CYTH1: variants seen among roughly 807,000 people sequenced by gnomAD.
The protein encoded by CYTH1 is cytohesin-1.
CYTH1 carries 18 observed loss-of-function variants against 61.8 expected under a neutral mutation model. The observed-to-expected ratio is 0.29, with a 90% CI of 0.20 to 0.43. The LOEUF (loss-of-function observed/expected upper bound fraction) is 0.43. CYTH1 is among the 20% of genes least tolerant of loss of function. The pLI is 1.00. For missense variants in CYTH1, 336 were observed against 510.5 expected (o/e 0.66, Z 3.29); for synonymous variants, 174 against 184.3 (o/e 0.94, Z 0.45).
At chr17:78,761,983 T>C (rs1024081341) in intron 1 of CYTH1, among the ~76,000 whole-genome samples, 2 of 152,204 alleles carry the variant, frequency 1.3e-5, no homozygotes, top group African/African-American at 4.8e-5. Flanking sequence ...GCATCTGGCC[T>C]GCTTCCTCCA....
intron 1 of CYTH1, among the ~76,000 whole-genome samples, chr17:78,755,168 A>T (rs998595806): frequency 6.6e-6 from 1 of 152,062 alleles, no homozygotes; most frequent in Admixed American, 6.6e-5. Context: ...CTCAAACATA[A>T]TATTATTTAT....
At chr17:78,680,581 A>T (rs1006417835) in intron 12 of CYTH1, among the ~76,000 whole-genome samples, 1 of 152,224 alleles carries the variant, frequency 6.6e-6, no homozygotes, top group African/African-American at 2.4e-5. Context: ...CTTGCAATGT[A>T]CGTAAAATGC....
chr17:78,676,230 C>T (rs1235768392), intron 13 of CYTH1, 61 bp from the exon 14 acceptor site: 24 of 1,533,802 alleles, frequency 1.6e-5, no homozygotes, highest in African/African-American at 4.1e-5. Context: ...GAAACACACC[C>T]AGGCAGGGGA....
At chr17:78,725,666 G>A (rs146269439) in intron 1 of CYTH1, among the ~76,000 whole-genome samples, 2 of 152,158 alleles carry the variant, frequency 1.3e-5, no homozygotes, top group South Asian at 2.1e-4. Context: ...CTTCCACTAC[G>A]CCGACAGAGT....
intron 11 of CYTH1, among the ~76,000 whole-genome samples, chr17:78,690,348 C>G (rs556421900): frequency 1.6e-5 from 2 of 128,766 alleles, no homozygotes; most frequent in African/African-American, 6.0e-5. Flanking sequence ...GAGCCGAGAT[C>G]GTGCCACTGC....
intron 11 of CYTH1, 42 bp downstream of exon 11, chr17:78,692,375 C>T: frequency 6.2e-7 from 1 of 1,603,420 alleles, no homozygotes. Context: ...AACCGGAGGC[C>T]TTGCCCATCC....
intron 1 of CYTH1, among the ~76,000 whole-genome samples, 195 bp downstream of exon 1, chr17:78,782,007 C>T (rs2093520678): frequency 6.6e-6 from 1 of 151,446 alleles, no homozygotes; most frequent in African/African-American, 2.4e-5. Context: ...CGGCGACCCT[C>T]ATCCCTCAAA....
rs1204147042 is a variant in CYTH1 at position 78,760,426 on chromosome 17, C to CACATACATATATATATGTATATATATAT, written c.22+21748_22+21775dup. 2.9e-4 allele frequency among the ~76,000 whole-genome samples: 16 copies of CACATACATATATATATGTATATATATAT among 54,360 alleles called. 1 individual carries two copies. The highest frequency in any genetic ancestry group is 2.0e-4 in the Admixed American group (1 of 4,980). The allele number at this position is 54,360 out of a possible 152,430, so 35.7% of individuals were successfully genotyped here. A position where few individuals can be genotyped will look rare whatever the true frequency, so the allele number is the denominator to read the frequency against. Reference sequence around the variant, plus strand: ...ATATATGTGTATATATATATATATACACATACATATATATATGTATATATA... The same window carrying CACATACATATATATATGTATATATATAT: ...ATATATGTGTATATATATATATATACACATACATATATATATGTATATATATATACATACATATATATATGTATATATA... On this transcript the variant is annotated intron_variant, in intron 1 of 13. Transcript: ENST00000446868.
intron 10 of CYTH1, among the ~76,000 whole-genome samples, chr17:78,694,264 T>A (rs2092916991): frequency 6.6e-6 from 1 of 152,190 alleles, no homozygotes; most frequent in Non-Finnish European, 1.5e-5. Context: ...ATGACACAGA[T>A]CTAGGTTATG....
intron 1 of CYTH1, among the ~76,000 whole-genome samples, chr17:78,760,516 TG>T (rs2093422918): frequency 2.0e-5 from 1 of 49,050 alleles, no homozygotes; most frequent in African/African-American, 9.2e-5. Flanking sequence ...TGTATATATA[TG>T]TATATATATA....
chr17:78,697,156 C>T (rs1242417524), intron 9 of CYTH1, among the ~76,000 whole-genome samples: 5 of 152,010 alleles, frequency 3.3e-5, no homozygotes, highest in African/African-American at 1.2e-4. Flanking sequence ...TAAAGGATTC[C>T]ATTTTAGCCT....
Position 78,717,649 on chromosome 17 carries a change from C to T in CYTH1, c.23-7917G>A, listed in dbSNP as rs907504764. On this transcript the variant is annotated intron_variant, in intron 1 of 13. Coordinates refer to ENST00000446868, the MANE Select transcript of CYTH1 (RefSeq NM_004762.6). The surrounding 1 kb of genome is among the most constrained non-coding windows in gnomAD (Gnocchi z 4.4). ...ACATGAGCACACGGCGGGCTCTAGT[C>T]TAAAATCCTGCAACCCGCGCTCCAC... is the stretch of plus-strand genomic sequence containing the variant. 2.0e-5 allele frequency among the ~76,000 whole-genome samples: 3 copies of T among 152,122 alleles called. No homozygotes were observed. Among genetic ancestry groups the T allele is most frequent in the African/African-American group, 7.2e-5 (3 of 41,410 alleles).
chr17:78,704,261 C>A, intron 3 of CYTH1, among the ~76,000 whole-genome samples: 1 of 152,112 alleles, frequency 6.6e-6, no homozygotes, highest in African/African-American at 2.4e-5. Flanking sequence ...GGCCCTGGAC[C>A]GGCTGAGTAA....
intron 1 of CYTH1, among the ~76,000 whole-genome samples, chr17:78,781,724 C>T (rs1461169979): frequency 6.6e-6 from 1 of 151,914 alleles, no homozygotes; most frequent in African/African-American, 2.4e-5. Context: ...CCCGGCCATC[C>T]GCGCGTCCGC....
rs777189577 is a variant in CYTH1 at position 78,702,521 on chromosome 17, G to A, written c.237+17C>T. Reference sequence around the variant, plus strand: ...CCCCATCTAATATGGACCACTTCCCGCTTCTTTCTCACTTACCTTTTTAGG... The same window carrying A: ...CCCCATCTAATATGGACCACTTCCCACTTCTTTCTCACTTACCTTTTTAGG... On this transcript the variant is annotated intron_variant, in intron 4 of 13. Transcript: ENST00000446868. The A allele has an allele frequency of 9.3e-6, 15 of 1,612,982 alleles. No homozygotes were observed. Among genetic ancestry groups the A allele is most frequent in the Non-Finnish European group, 1.2e-5 (14 of 1,179,500 alleles).
chr17:78,762,540 T>C (rs1312163805), intron 1 of CYTH1, among the ~76,000 whole-genome samples: 1 of 152,204 alleles, frequency 6.6e-6, no homozygotes, highest in Non-Finnish European at 1.5e-5. Flanking sequence ...GTCCCAAAGA[T>C]ATACATGTCC....
rs755536066 is a variant in CYTH1, at chr17:78,700,416, G to A, written c.465C>T (p.Pro155=). The A allele has an allele frequency of 1.1e-5, 18 of 1,613,120 alleles. No homozygotes were observed. The highest frequency in any genetic ancestry group is 1.6e-4 in the Middle Eastern group (1 of 6,082). Reference sequence around the variant, plus strand: ...TCCGGTCGATCTTCTGGGCCTCTCCGGGTAGCCGGAAGCTCCACAGGAACT... The same window carrying A: ...TCCGGTCGATCTTCTGGGCCTCTCCAGGTAGCCGGAAGCTCCACAGGAACT... ...LRQFLWSFRL[P]GEAQKIDRMM... Residue 155 remains proline (P), a synonymous_variant, in exon 7 of 14, where the codon CCC becomes CCT. Coordinates refer to ENST00000446868, the MANE Select transcript of CYTH1 (RefSeq NM_004762.6). The surrounding 1 kb of genome is among the most constrained non-coding windows in gnomAD (Gnocchi z 5.1).
intron 4 of CYTH1, 82 bp from the exon 5 acceptor site, chr17:78,702,322 G>A: frequency 8.4e-7 from 1 of 1,190,014 alleles, no homozygotes; most frequent in Non-Finnish European, 1.2e-6. Context: ...GGAAGAAATG[G>A]GTGTGGGTGC....
chr17:78,695,905 C>G, intron 10 of CYTH1, 102 bp downstream of exon 10: 1 of 1,344,696 alleles, frequency 7.4e-7, no homozygotes, highest in Non-Finnish European at 9.9e-7. Flanking sequence ...ACACTACCAC[C>G]GGCAATTAAA....
Sources: allele counts gnomAD v4.1 joint callset (sites outside exome capture counted in the v4.1 genomes callset), GRCh38; gene constraint gnomAD v4.1.1; non-coding constraint Gnocchi (gnomAD v3.1); transcripts MANE v1.5; gene names NCBI Gene and HGNC (gene_info 2026-07-23, HGNC 2026-07-21).